Variants in BFSP2 observed in about 807,000 individuals in gnomAD.
BFSP2 encodes the protein phakinin.
A neutral mutation model predicts 44.9 loss-of-function variants in BFSP2; 38 were observed. That is an observed-to-expected ratio of 0.85 (90% confidence interval 0.65 to 1.11). The LOEUF is 1.11. BFSP2 is among the 50% of genes least tolerant of loss of function. BFSP2 has a pLI of 0.00. For synonymous variants in BFSP2, 197 were observed against 209.9 expected (o/e 0.94, Z 0.53); for missense variants, 525 against 533.0 (o/e 0.99, Z 0.15).
intron 4 of BFSP2, among the ~76,000 whole-genome samples, chr3:133,461,008 A>G (rs978247117): frequency 6.6e-6 from 1 of 152,236 alleles, no homozygotes; most frequent in African/African-American, 2.4e-5. Context: ...GCAATTTCAA[A>G]GACCAGGAAG....
intron 1 of BFSP2, among the ~76,000 whole-genome samples, chr3:133,427,802 T>TC (rs2073667556): frequency 6.6e-6 from 1 of 152,186 alleles, no homozygotes; most frequent in African/African-American, 2.4e-5. Context: ...AGCATATCTA[T>TC]CCCTTTATTG....
chr3:133,423,778 G>A (rs1047226689), intron 1 of BFSP2, among the ~76,000 whole-genome samples: 12 of 152,034 alleles, frequency 7.9e-5, no homozygotes, highest in African/African-American at 2.9e-4. Flanking sequence ...TCTAGGAACT[G>A]TCTTACATAC....
At chr3:133,474,937 A>G in intron 6 of BFSP2, 32 bp from the exon 7 acceptor site, 3 of 1,613,872 alleles carry the variant, frequency 1.9e-6, no homozygotes, top group Non-Finnish European at 1.7e-6. Context: ...TTCCTCACCC[A>G]TTGCTTCTGA....
chr3:133,420,850 C>T (rs1457733838), intron 1 of BFSP2, among the ~76,000 whole-genome samples: 2 of 152,192 alleles, frequency 1.3e-5, no homozygotes, highest in Non-Finnish European at 2.9e-5. Context: ...CACACTCCTA[C>T]CTGTCTCACC....
intron 4 of BFSP2, among the ~76,000 whole-genome samples, chr3:133,463,778 G>A (rs969388491): frequency 9.9e-5 from 15 of 152,136 alleles, no homozygotes; most frequent in Non-Finnish European, 8.8e-5. Flanking sequence ...TATTATTTTA[G>A]AGAGACTGTT....
At chr3:133,435,087 A>T (rs554154793) in intron 1 of BFSP2, among the ~76,000 whole-genome samples, 1 of 152,320 alleles carries the variant, frequency 6.6e-6, no homozygotes, top group South Asian at 2.1e-4. Context: ...TAAGATTAGG[A>T]AACAAAAAGA....
At chr3:133,467,862 GT>G (rs1559984475) in intron 5 of BFSP2, among the ~76,000 whole-genome samples, 1 of 152,106 alleles carries the variant, frequency 6.6e-6, no homozygotes, top group Non-Finnish European at 1.5e-5. Flanking sequence ...ATGTAGGTCC[GT>G]GCAAGCATGT....
Position 133,450,292 on chromosome 3 carries a change from G to T in BFSP2, c.730-11G>T. On this transcript the variant is annotated splice_polypyrimidine_tract_variant and intron_variant, in intron 3 of 6. Transcript: ENST00000302334. ...CCGTAACTCATCTAAGATGTATATT[G>T]TTGTTTTCAGGATGTGAAGCTGCTG... 1 of 1,613,446 alleles carries T rather than the reference G, an allele frequency of 6.2e-7. No homozygotes were observed. The highest frequency in any genetic ancestry group is 8.5e-7 in the Non-Finnish European group (1 of 1,179,328).
intron 1 of BFSP2, among the ~76,000 whole-genome samples, chr3:133,444,545 G>C (rs1353831708): frequency 6.6e-6 from 1 of 152,126 alleles, no homozygotes; most frequent in Non-Finnish European, 1.5e-5. Flanking sequence ...GAGGGATAAT[G>C]TGCCACAGGG....
intron 1 of BFSP2, among the ~76,000 whole-genome samples, chr3:133,418,982 C>A (rs183369360): frequency 1.1e-4 from 16 of 152,300 alleles, no homozygotes; most frequent in Admixed American, 9.1e-4. Flanking sequence ...CATGGACTGT[C>A]TTCAACAACA....
chr3:133,451,904 A>G (rs996071589), intron 4 of BFSP2, among the ~76,000 whole-genome samples: 4 of 152,214 alleles, frequency 2.6e-5, no homozygotes, highest in African/African-American at 4.8e-5. Context: ...ATCTTGAGAC[A>G]GAGGATGAAA....
rs144399466 is a variant in BFSP2, at chr3:133,400,519, C to A, written c.436C>A (p.Arg146Ser). The A allele has an allele frequency of 6.2e-7, 1 of 1,613,782 alleles. No individual in the cohort carries two copies. The highest frequency in any genetic ancestry group is 1.1e-5 in the South Asian group (1 of 91,074). The change falls in exon 1 of 7, where the codon CGC becomes AGC. Residue 146 changes from arginine (R) to serine (S), a missense_variant. By Grantham distance (110) the Arg-to-Ser change is moderately radical (BLOSUM62 -1). Coordinates refer to ENST00000302334, the MANE Select transcript of BFSP2 (RefSeq NM_003571.4). The surrounding 1 kb of genome is among the most constrained non-coding windows in gnomAD (Gnocchi z 4.0). ...LRMHLESKAT[R>S]SGNWGALRAS... ...GATGCACCTGGAGAGCAAAGCCACA[C>A]GCTCGGGAAACTGGGGTGCCCTACG...
At chr3:133,415,150 C>CCCTCTACTTA in intron 1 of BFSP2, among the ~76,000 whole-genome samples, 1 of 135,120 alleles carries the variant, frequency 7.4e-6, no homozygotes, top group African/African-American at 2.9e-5. Context: ...CTGCCCTCTC[C>CCCTCTACTTA]CCCGTCCTCT....
chr3:133,422,493 C>T (rs1017958810), intron 1 of BFSP2, among the ~76,000 whole-genome samples: 2 of 152,148 alleles, frequency 1.3e-5, no homozygotes, highest in East Asian at 1.9e-4. Context: ...TGAGGCTCCT[C>T]ATCTGTAAAA....
intron 1 of BFSP2, among the ~76,000 whole-genome samples, chr3:133,417,279 C>G (rs576070837): frequency 7.2e-6 from 1 of 139,342 alleles, no homozygotes; most frequent in Non-Finnish European, 1.6e-5. Context: ...CTCACCCTTG[C>G]CCTCTCCCTT....
At chr3:133,474,704 G>T (rs1356314746) in intron 6 of BFSP2, among the ~76,000 whole-genome samples, 1 of 152,136 alleles carries the variant, frequency 6.6e-6, no homozygotes, top group Non-Finnish European at 1.5e-5. Context: ...CCTGACTCTT[G>T]ATTATTTTTG....
chr3:133,472,603 A>G (rs1036346287), intron 6 of BFSP2, 38 bp downstream of exon 6: 1 of 1,587,304 alleles, frequency 6.3e-7, no homozygotes, highest in Non-Finnish European at 8.6e-7. Flanking sequence ...CAAGAGATGC[A>G]TATTCATGGC....
Position 133,421,348 on chromosome 3 carries a change from A to G in BFSP2, c.489+20776A>G, listed in dbSNP as rs138546151. Among the ~76,000 whole-genome samples, 22 of 152,358 alleles carry G rather than the reference A, an allele frequency of 1.4e-4. No individual in the cohort carries two copies. The East Asian group carries it at 4.2e-3, about 29-fold the overall frequency. On this transcript the variant is annotated intron_variant, in intron 1 of 6. Transcript: ENST00000302334. ...AGAGGCTGGAAACCAAGATGTTAGC[A>G]GGGGCAGCTCCTTGTGAGGACTGTG... is the stretch of plus-strand genomic sequence containing the variant.
At chr3:133,438,066 A>C (rs2073808084) in intron 1 of BFSP2, among the ~76,000 whole-genome samples, 1 of 152,252 alleles carries the variant, frequency 6.6e-6, no homozygotes, top group Admixed American at 6.5e-5. Flanking sequence ...TATAGTTGAT[A>C]CAAGAAATAG....
Sources: gnomAD v4.1 joint callset for allele counts (sites outside exome capture counted in the v4.1 genomes callset) on GRCh38, gnomAD v4.1.1 for gene constraint, Gnocchi (gnomAD v3.1) non-coding constraint, MANE v1.5 for transcripts, NCBI Gene and HGNC (gene_info 2026-07-23, HGNC 2026-07-21) for gene names.